Variants in CTNND2 observed in about 807,000 individuals in gnomAD.
CTNND2 encodes the protein catenin delta-2.
CTNND2 carries 22 observed loss-of-function variants against 144.4 expected under a neutral mutation model. That is an observed-to-expected ratio of 0.15 (90% CI 0.11 to 0.22). The LOEUF is 0.22. Among genes scored for constraint, CTNND2 ranks in the 10% least tolerant of loss-of-function variants. CTNND2 has a pLI of 1.00. For missense variants in CTNND2, 1,353 were observed against 1,618.8 expected (o/e 0.84, Z 2.82); for synonymous variants, 751 against 695.6 (o/e 1.08, Z -1.25).
Position 11,385,201 on chromosome 5 carries a change from G to A in CTNND2, c.641C>T (p.Ala214Val), listed in dbSNP as rs1483010463. 8.6e-6 allele frequency: 9 copies of A among 1,052,212 alleles called. No homozygotes were observed. Among genetic ancestry groups the A allele is most frequent in the African/African-American group, 1.7e-5 (1 of 58,758 alleles). The allele number at this position is 1,052,212 out of a possible 1,614,324, so 65.2% of individuals were successfully genotyped here. A position where few individuals can be genotyped will look rare whatever the true frequency, so the allele number is the denominator to read the frequency against. The change falls in exon 7 of 22, where the codon GCG becomes GTG. Residue 214 changes from alanine (A) to valine (V), a missense_variant. Ala to Val is a moderately conservative substitution (Grantham distance 64). Coordinates refer to ENST00000304623, the MANE Select transcript of CTNND2 (RefSeq NM_001332.4). ...QGTTSRAGHLAGPEPAPPPPP... is the reference protein window; with the variant it reads ...QGTTSRAGHLVGPEPAPPPPP... ...CGGCGGCGGCGCGGGCTCGGGCCCC[G>A]CCAGGTGGCCGGCGCGGCTGGTCGT... is the stretch of plus-strand genomic sequence containing the variant.
In CTNND2 at chr5:11,154,448, G is replaced by T. The variant is rs1259344495; in HGVS notation, c.2159+5128C>A. On this transcript the variant is annotated intron_variant, in intron 12 of 21. Coordinates refer to ENST00000304623, the MANE Select transcript of CTNND2 (RefSeq NM_001332.4). Reference sequence around the variant, plus strand: ...TTGGTTTTGTAGCTAAGCTACAGAGGGGAATGGCCTTGTGCACAAAGAAAA... The same window carrying T: ...TTGGTTTTGTAGCTAAGCTACAGAGTGGAATGGCCTTGTGCACAAAGAAAA... 2.0e-5 allele frequency among the ~76,000 whole-genome samples: 3 copies of T among 152,192 alleles called. No individual in the cohort carries two copies. The East Asian group carries it at 5.8e-4, about 29-fold the overall frequency.
intron 3 of CTNND2, among the ~76,000 whole-genome samples, chr5:11,416,967 A>C (rs1761985593): frequency 6.6e-6 from 1 of 152,194 alleles, no homozygotes; most frequent in Admixed American, 6.5e-5. Context: ...GGACAAAGAC[A>C]ACCATAAATA....
At chr5:11,136,871 C>G (rs1561366028) in intron 12 of CTNND2, among the ~76,000 whole-genome samples, 2 of 152,256 alleles carry the variant, frequency 1.3e-5, no homozygotes, top group Non-Finnish European at 2.9e-5. Context: ...AACTCCTACT[C>G]ATCATTCAAG....
At chr5:11,326,501 C>T (rs536835970) in intron 9 of CTNND2, among the ~76,000 whole-genome samples, 2 of 152,252 alleles carry the variant, frequency 1.3e-5, no homozygotes, top group African/African-American at 4.8e-5. Context: ...CCATCTCAGC[C>T]TGAAAGCCAC....
intron 13 of CTNND2, among the ~76,000 whole-genome samples, chr5:11,116,969 G>C (rs1429467638): frequency 6.6e-6 from 1 of 152,048 alleles, no homozygotes; most frequent in Admixed American, 6.5e-5. Context: ...TGAAGCAGGA[G>C]AATCACTTGA....
In CTNND2 at chr5:11,199,463, G is replaced by T. The variant is rs773342277; in HGVS notation, c.1960C>A (p.Arg654=). Residue 654 remains arginine, a synonymous_variant, in exon 11 of 22, where the codon CGG becomes AGG. Transcript: ENST00000304623. Reference sequence around the variant, plus strand: ...TGATTCTAACCTGTGACCAGCTCCCGGATCTCCAGGTCAGTCGTCTTGCGG... The same window carrying T: ...TGATTCTAACCTGTGACCAGCTCCCTGATCTCCAGGTCAGTCGTCTTGCGG... ...LLRKTTDLEI[R]ELVTGVLWNL... is the part of the protein sequence containing the mutation. 1 of 1,613,818 alleles carries T rather than the reference G, an allele frequency of 6.2e-7. No homozygotes were observed. Among genetic ancestry groups the T allele is most frequent in the East Asian group, 2.2e-5 (1 of 44,898 alleles).
intron 1 of CTNND2, among the ~76,000 whole-genome samples, chr5:11,888,437 A>C (rs540398796): frequency 2.6e-5 from 4 of 152,272 alleles, no homozygotes; most frequent in African/African-American, 9.6e-5. Flanking sequence ...TGCCAACCTT[A>C]ATCCAATCAA....
At chr5:11,848,742 G>A (rs940712428) in intron 1 of CTNND2, among the ~76,000 whole-genome samples, 1 of 152,096 alleles carries the variant, frequency 6.6e-6, no homozygotes, top group Non-Finnish European at 1.5e-5. Flanking sequence ...GAGGCATATG[G>A]TATATGTGGA....
At chr5:11,480,055 T>C (rs1303451675) in intron 3 of CTNND2, among the ~76,000 whole-genome samples, 1 of 152,226 alleles carries the variant, frequency 6.6e-6, no homozygotes, top group East Asian at 1.9e-4. Flanking sequence ...GTGATTGCTT[T>C]TGGAGTCTTC....
At position 11,346,552 on chromosome 5, in the gene CTNND2, G is replaced by A. The variant is rs778030487; in HGVS notation, c.1448C>T (p.Ala483Val). The change falls in exon 9 of 22, where the codon GCG becomes GTG. Residue 483 changes from alanine (A) to valine (V), a missense_variant. By Grantham distance (64) the Ala-to-Val change is moderately conservative (BLOSUM62 0). Transcript: ENST00000304623. ...GSQHGPQNAA[A>V]ATFQRASYAA... is the part of the protein sequence containing the mutation. Reference sequence around the variant, plus strand: ...ATAGCTGGCCCTCTGGAAGGTGGCCGCGGCGGCATTCTGTGGGCCGTGCTG... The same window carrying A: ...ATAGCTGGCCCTCTGGAAGGTGGCCACGGCGGCATTCTGTGGGCCGTGCTG... The A allele has an allele frequency of 1.9e-5, 30 of 1,603,762 alleles. No homozygotes were observed. Among genetic ancestry groups the A allele is most frequent in the African/African-American group, 9.4e-5 (7 of 74,576 alleles).
intron 3 of CTNND2, among the ~76,000 whole-genome samples, chr5:11,501,396 G>A (rs1462405353): frequency 1.3e-5 from 2 of 152,110 alleles, no homozygotes; most frequent in African/African-American, 4.8e-5. Context: ...CCTGGCAAGA[G>A]TTCCCACACT....
chr5:11,739,280 GA>G (rs1787864738), intron 1 of CTNND2, among the ~76,000 whole-genome samples: 1 of 152,132 alleles, frequency 6.6e-6, no homozygotes, highest in South Asian at 2.1e-4. Context: ...AGGATAATTG[GA>G]AGGCAGAACT....
chr5:11,635,379 C>G (rs906514535), intron 2 of CTNND2, among the ~76,000 whole-genome samples: 2 of 151,864 alleles, frequency 1.3e-5, no homozygotes, highest in African/African-American at 4.8e-5. Context: ...AGAGTGGAAG[C>G]TTAAAAGGAA....
chr5:11,383,115 TC>T (rs1308448316), intron 7 of CTNND2, among the ~76,000 whole-genome samples: 1 of 152,054 alleles, frequency 6.6e-6, no homozygotes, highest in Non-Finnish European at 1.5e-5. Context: ...CATGCAAAAG[TC>T]TACACAAATC....
intron 18 of CTNND2, among the ~76,000 whole-genome samples, chr5:10,997,637 C>A (rs1017554517): frequency 1.3e-5 from 2 of 151,426 alleles, no homozygotes; most frequent in African/African-American, 4.9e-5. Context: ...GAAGGAAATG[C>A]TTTGTAGAGG....
intron 12 of CTNND2, among the ~76,000 whole-genome samples, chr5:11,138,606 T>C (rs1241554051): frequency 2.6e-5 from 4 of 152,198 alleles, no homozygotes; most frequent in African/African-American, 9.7e-5. Context: ...CTTGATACCT[T>C]GTCGGGTCTG....
At chr5:11,851,898 C>G (rs2127005966) in intron 1 of CTNND2, among the ~76,000 whole-genome samples, 1 of 152,330 alleles carries the variant, frequency 6.6e-6, no homozygotes, top group East Asian at 1.9e-4. Flanking sequence ...TCGATGCTTT[C>G]TAGAAAAGGC....
At chr5:11,410,831 T>G (rs1247550591) in intron 5 of CTNND2, among the ~76,000 whole-genome samples, 1 of 152,062 alleles carries the variant, frequency 6.6e-6, no homozygotes, top group African/African-American at 2.4e-5. Flanking sequence ...CTTTTTATGA[T>G]TTCTACCAAC....
intron 3 of CTNND2, among the ~76,000 whole-genome samples, chr5:11,472,122 A>T (rs984637957): frequency 1.3e-5 from 2 of 152,190 alleles, no homozygotes; most frequent in Non-Finnish European, 2.9e-5. Flanking sequence ...ATTTTATATA[A>T]GTACTTGTTC....
Sources: allele counts gnomAD v4.1 joint callset (sites outside exome capture counted in the v4.1 genomes callset), GRCh38; gene constraint gnomAD v4.1.1; transcripts MANE v1.5; gene names NCBI Gene and HGNC (gene_info 2026-07-23, HGNC 2026-07-21).